The following SLC2A5 variants were observed in gnomAD, a reference collection of about 807,000 sequenced individuals.
SLC2A5 encodes the protein solute carrier family 2, facilitated glucose transporter member 5.
A neutral mutation model predicts 50.3 loss-of-function variants in SLC2A5; 56 were observed. The observed-to-expected ratio is 1.11, with a 90% CI of 0.90 to 1.39. The LOEUF (loss-of-function observed/expected upper bound fraction) is 1.39, where lower values mean the gene tolerates loss of function less well. SLC2A5 is among the 40% of genes most tolerant of loss of function. The probability of loss-of-function intolerance (pLI) is 0.00; values close to 1 mark genes in which losing one functional copy is unlikely to be tolerated. For missense variants in SLC2A5, 566 were observed against 650.1 expected (o/e 0.87, Z 1.41); for synonymous variants, 269 against 281.9 (o/e 0.95, Z 0.46).
In SLC2A5 at chr1:9,037,463, G is replaced by A. The variant is rs1018989721; in HGVS notation, c.*123C>T. 5.6e-5 allele frequency: 45 copies of A among 806,152 alleles called. No individual in the cohort carries two copies. The African/African-American group carries it at 6.8e-4, about 12-fold the overall frequency. 49.9% of individuals were successfully genotyped at this position (806,152 alleles called of 1,614,324 possible). A position where few individuals can be genotyped will look rare whatever the true frequency, so the allele number is the denominator to read the frequency against. ...CCACTGGGGTGGGGAGGCTGGAGAT[G>A]AGGACTGCATTCCACATCAGAGTTG... On this transcript the variant is annotated 3_prime_UTR_variant, in exon 12 of 12. Coordinates refer to ENST00000377424, the MANE Select transcript of SLC2A5 (RefSeq NM_003039.3).
Position 9,058,161 on chromosome 1 carries a change from G to A in SLC2A5, c.123C>T (p.Ser41=). The part of the protein sequence containing the change: ...QYGYNVAAVN[S]PALLMQQFYN... ...CACCACAGTGACCTACCAGTGCTGGGGAGTTGACAGCAGCCACGTTGTACC... is the reference window on the plus strand; with the variant it reads ...CACCACAGTGACCTACCAGTGCTGGAGAGTTGACAGCAGCCACGTTGTACC... Residue 41 remains serine, a synonymous_variant, in exon 2 of 12, where the codon TCC becomes TCT. Transcript: ENST00000377424. 5 of 1,612,696 alleles carry A rather than the reference G, an allele frequency of 3.1e-6. No individual in the cohort carries two copies. The highest frequency in any genetic ancestry group is 4.2e-6 in the Non-Finnish European group (5 of 1,178,734).
chr1:9,070,093 T>G, upstream of SLC2A5, among the ~76,000 whole-genome samples: 1 of 142,688 alleles, frequency 7.0e-6, no homozygotes, highest in Non-Finnish European at 1.5e-5. Context: ...TTTTTTTTTT[T>G]TTTTTTGAGA....
rs765722196 is a variant in SLC2A5 at position 9,037,686 on chromosome 1, A to G, written c.1406T>C (p.Ile469Thr). 2.5e-6 allele frequency: 4 copies of G among 1,614,156 alleles called. No individual in the cohort carries two copies. Among genetic ancestry groups the G allele is most frequent in the South Asian group, 1.1e-5 (1 of 91,078 alleles). ...CTTGGTGAAAATCTGGTTGATCTCT[A>G]TGAACGTCTTGGCCTTGGTCTCCGG... is the stretch of plus-strand genomic sequence containing the variant. Reference protein sequence around the residue: ...IVPETKAKTFIEINQIFTKMN... With the variant: ...IVPETKAKTFTEINQIFTKMN... Residue 469 changes from isoleucine to threonine, a missense_variant, in exon 12 of 12, where the codon ATA becomes ACA. By Grantham distance (89) the Ile-to-Thr change is moderately conservative (BLOSUM62 -1). Transcript: ENST00000377424.
upstream of SLC2A5, among the ~76,000 whole-genome samples, chr1:9,090,434 T>C (rs145584550): frequency 0.021 from 3,268 of 152,284 alleles, 108 homozygotes; most frequent in African/African-American, 0.073. Flanking sequence ...CCATCATCTC[T>C]CAACTTTTGG....
In SLC2A5 at chr1:9,041,858, G is replaced by A; in HGVS notation, c.498C>T (p.Pro166=). The change falls in exon 5 of 12, where the codon CCC becomes CCT. Residue 166 remains proline (P), a synonymous_variant. Coordinates refer to ENST00000377424, the MANE Select transcript of SLC2A5 (RefSeq NM_003039.3). ...KNLRGALGVV[P]QLFITVGILV... is the part of the protein sequence containing the mutation. ...GGATGCCAACAGTGATGAAGAGCTG[G>A]GGCACCACCCCGAGAGCCCCCCGCA... 6.2e-7 allele frequency: 1 copy of A among 1,613,982 alleles called. No homozygotes were observed. Among genetic ancestry groups the A allele is most frequent in the Non-Finnish European group, 8.5e-7 (1 of 1,180,008 alleles).
intron 2 of SLC2A5, among the ~76,000 whole-genome samples, chr1:9,057,877 C>G (rs1306226238): frequency 6.6e-6 from 1 of 152,104 alleles, no homozygotes; most frequent in African/African-American, 2.4e-5. Flanking sequence ...AGCTGGGAGA[C>G]CCCTGGCCCC....
intron 1 of SLC2A5, among the ~76,000 whole-genome samples, chr1:9,063,432 G>A (rs1165645684): frequency 6.6e-6 from 1 of 151,958 alleles, no homozygotes; most frequent in African/African-American, 2.4e-5. Context: ...GAGTGCAGTG[G>A]CACAATCTCA....
At chr1:9,068,027 TA>T (rs1642127232) in intron 1 of SLC2A5, among the ~76,000 whole-genome samples, 1 of 151,582 alleles carries the variant, frequency 6.6e-6, no homozygotes. Flanking sequence ...CCATCTCTAC[TA>T]AAAATACAAA....
chr1:9,087,444 T>C (rs962461916), intron 1 of SLC2A5, among the ~76,000 whole-genome samples: 1 of 152,072 alleles, frequency 6.6e-6, no homozygotes, highest in Non-Finnish European at 1.5e-5. Context: ...GACCTTGTGA[T>C]CTTCCCGCCT....
At chr1:9,041,962 C>A (rs1242907235) in intron 4 of SLC2A5, 25 bp from the exon 5 acceptor site, 1 of 1,552,968 alleles carries the variant, frequency 6.4e-7, no homozygotes, top group South Asian at 1.2e-5. Flanking sequence ...AATAGAAACA[C>A]CATCAGAAAA....
intron 1 of SLC2A5, among the ~76,000 whole-genome samples, chr1:9,061,475 A>ACACGCCTG (rs1406270093): frequency 7.1e-6 from 1 of 139,998 alleles, no homozygotes; most frequent in Non-Finnish European, 1.5e-5. Flanking sequence ...GTGTGGTGGC[A>ACACGCCTG]CACGCCTGTG....
At chr1:9,079,151 T>C (rs1642325740) in intron 2 of SLC2A5, among the ~76,000 whole-genome samples, 1 of 152,118 alleles carries the variant, frequency 6.6e-6, no homozygotes, top group Non-Finnish European at 1.5e-5. Flanking sequence ...CTTCCAAGTT[T>C]ATCTTCCTTC....
upstream of SLC2A5, among the ~76,000 whole-genome samples, chr1:9,092,208 A>G (rs1209544931): frequency 6.6e-6 from 1 of 152,142 alleles, no homozygotes; most frequent in African/African-American, 2.4e-5. Context: ...ATTCCCCAAT[A>G]TCTATTTCCC....
chr1:9,059,274 C>G (rs1347193131), intron 1 of SLC2A5, among the ~76,000 whole-genome samples: 5 of 150,412 alleles, frequency 3.3e-5, no homozygotes, highest in Admixed American at 6.7e-5. Flanking sequence ...TCCCAAATAG[C>G]TGGGACTACA....
At chr1:9,042,707 CATGTGTGT>C (rs1464464377) in intron 4 of SLC2A5, among the ~76,000 whole-genome samples, 1 of 150,500 alleles carries the variant, frequency 6.6e-6, no homozygotes, top group Non-Finnish European at 1.5e-5. Flanking sequence ...ATATATATGG[CATGTGTGT>C]ATGTGTGTGT....
intron 1 of SLC2A5, among the ~76,000 whole-genome samples, chr1:9,067,050 ACCACTGAGGGGCAGGCAGCTGGCT>A (rs1208081160): frequency 6.6e-6 from 1 of 151,918 alleles, no homozygotes. Flanking sequence ...CTGCCACACA[ACCACTGAGGGGCAGGCAGCTGGCT>A]CCATACTGCC....
intron 8 of SLC2A5, 60 bp downstream of exon 8, chr1:9,039,492 T>C: frequency 3.9e-6 from 5 of 1,280,006 alleles, no homozygotes; most frequent in Non-Finnish European, 5.3e-6. Flanking sequence ...GCGCCGAGGC[T>C]GGGGCGTGGG....
Position 9,037,366 on chromosome 1 carries a change from G to T in SLC2A5, c.*220C>A. ...AGGACCAGCTGTTTAATTGACTCGG[G>T]TCTGGTGACAGGCCAACATGGAGAG... On this transcript the variant is annotated 3_prime_UTR_variant, in exon 12 of 12. Coordinates refer to ENST00000377424, the MANE Select transcript of SLC2A5 (RefSeq NM_003039.3). 1.8e-6 allele frequency: 1 copy of T among 541,226 alleles called. No individual in the cohort carries two copies. Among genetic ancestry groups the T allele is most frequent in the South Asian group, 2.1e-5 (1 of 47,594 alleles). The allele number at this position is 541,226 out of a possible 1,614,324, so 33.5% of individuals were successfully genotyped here.
At chr1:9,087,545 C>A (rs1044382307) in intron 1 of SLC2A5, among the ~76,000 whole-genome samples, 1 of 152,080 alleles carries the variant, frequency 6.6e-6, no homozygotes, top group Non-Finnish European at 1.5e-5. Context: ...TGCCAAAACC[C>A]GGGATGGGTG....
Sources: gnomAD v4.1 joint callset for allele counts (sites outside exome capture counted in the v4.1 genomes callset) on GRCh38, gnomAD v4.1.1 for gene constraint, MANE v1.5 for transcripts, NCBI Gene and HGNC (gene_info 2026-07-23, HGNC 2026-07-21) for gene names.